MYO9B: variants seen among roughly 807,000 people sequenced by gnomAD.
MYO9B encodes unconventional myosin-IXb.
In MYO9B, 71 loss-of-function variants were observed where a neutral mutation model predicts 229.5. The ratio of observed to expected loss-of-function variants is 0.31; its 90% CI spans 0.26 to 0.38. The LOEUF is 0.38. Among genes scored for constraint, MYO9B ranks in the 10% least tolerant of loss-of-function variants. The probability of loss-of-function intolerance (pLI) is 1.00; values close to 1 mark genes in which losing one functional copy is unlikely to be tolerated. For synonymous variants in MYO9B, 1,185 were observed against 1,235.8 expected (o/e 0.96, Z 0.86); for missense variants, 2,255 against 2,920.5 (o/e 0.77, Z 5.25).
intron 13 of MYO9B, 76 bp downstream of exon 13, chr19:17,173,039 ACACTT>A: frequency 6.6e-7 from 1 of 1,504,558 alleles, no homozygotes; most frequent in Non-Finnish European, 9.0e-7. Flanking sequence ...CTTAAAGTGA[ACACTT>A]CAGTGGCATT....
At chr19:17,178,979 C>G (rs575414510) in intron 14 of MYO9B, among the ~76,000 whole-genome samples, 1 of 147,140 alleles carries the variant, frequency 6.8e-6, no homozygotes, top group Admixed American at 6.9e-5. Flanking sequence ...TGCAGTGAGC[C>G]GAGATCACAC....
chr19:17,179,373 C>T (rs919689501), intron 14 of MYO9B, among the ~76,000 whole-genome samples: 1 of 151,694 alleles, frequency 6.6e-6, no homozygotes, highest in African/African-American at 2.4e-5. Flanking sequence ...ATTTGCTCCT[C>T]CCACAGAGAC....
Position 17,102,263 on chromosome 19 carries a change from C to G in MYO9B, c.546C>G (p.Ile182Met). ...AGATCTACACGTACGCGGGGAGCATCCTGGTGGCCATCAACCCCTTTAAGT... is the reference window on the plus strand; with the variant it reads ...AGATCTACACGTACGCGGGGAGCATGCTGGTGGCCATCAACCCCTTTAAGT... ...QQKIYTYAGS[I>M]LVAINPFKFL... The change falls in exon 2 of 40, where the codon ATC (isoleucine) becomes ATG (methionine). Residue 182 changes from isoleucine to methionine, a missense_variant. Physicochemically the swap from Ile to Met is conservative, Grantham distance 10 (BLOSUM62 1). This residue lies in a region of MYO9B where 386 missense variants were observed against 515.2 expected (regional missense o/e 0.75). Coordinates refer to ENST00000682292, the MANE Select transcript of MYO9B (RefSeq NM_004145.4). 6.2e-7 allele frequency: 1 copy of G among 1,614,054 alleles called. No homozygotes were observed. The highest frequency in any genetic ancestry group is 8.5e-7 in the Non-Finnish European group (1 of 1,179,900).
At chr19:17,206,657 C>T (rs1334509196) in intron 33 of MYO9B, 22 bp from the exon 34 acceptor site, 1 of 1,553,664 alleles carries the variant, frequency 6.4e-7, no homozygotes, top group Admixed American at 1.9e-5. Context: ...GAGCTGACGT[C>T]CTCAAACCCC....
intron 3 of MYO9B, among the ~76,000 whole-genome samples, chr19:17,148,875 C>T (rs181542232): frequency 1.3e-5 from 2 of 152,176 alleles, no homozygotes; most frequent in Admixed American, 6.5e-5. Flanking sequence ...TGAGCCACCA[C>T]GCCCGACCCC....
At chr19:17,153,928 T>C in intron 4 of MYO9B, 39 bp from the exon 5 acceptor site, 1 of 1,542,800 alleles carries the variant, frequency 6.5e-7, no homozygotes, top group South Asian at 1.1e-5. Flanking sequence ...TTACTTGGCC[T>C]CCAAAAACAA....
At position 17,203,170 on chromosome 19, in the gene MYO9B, G is replaced by A; in HGVS notation, c.4902G>A (p.Val1634=). The change falls in exon 30 of 40, where the codon GTG becomes GTA. Residue 1634 remains valine (V), a synonymous_variant. Transcript: ENST00000682292. ...AGGTCCAGGAGCACAACGGGCACGT[G>A]TTCGCCAGCTACCAGGTTAGCATCC... ...ERAVQEHNGH[V]FASYQVSIPQ... is the part of the protein sequence containing the mutation. The A allele has an allele frequency of 6.3e-7, 1 of 1,576,026 alleles. No individual in the cohort carries two copies. The highest frequency in any genetic ancestry group is 8.6e-7 in the Non-Finnish European group (1 of 1,160,824).
chr19:17,133,402 C>T (rs1254695588), intron 2 of MYO9B, among the ~76,000 whole-genome samples: 1 of 152,050 alleles, frequency 6.6e-6, no homozygotes, highest in South Asian at 2.1e-4. Flanking sequence ...AATTTATATC[C>T]TTTGACCAGC....
chr19:17,183,719 CCT>C (rs1027885613), intron 15 of MYO9B, 108 bp from the exon 16 acceptor site: 8 of 883,958 alleles, frequency 9.1e-6, no homozygotes, highest in African/African-American at 1.7e-5. Flanking sequence ...CACTCTCTCC[CCT>C]CTCTCTGTGT....
chr19:17,083,902 C>T lies in MYO9B; in HGVS notation c.-59+8028C>T, dbSNP rs1177986593. Reference sequence around the variant, plus strand: ...GTGACCTCAGGTGATCCACCCACCTCAGCCTCCCAAGGTGCTGGGATTGCA... The same window carrying T: ...GTGACCTCAGGTGATCCACCCACCTTAGCCTCCCAAGGTGCTGGGATTGCA... On this transcript the variant is annotated intron_variant, in intron 1 of 39. Coordinates refer to ENST00000682292, the MANE Select transcript of MYO9B (RefSeq NM_004145.4). 5.9e-5 allele frequency among the ~76,000 whole-genome samples: 9 copies of T among 152,228 alleles called. No individual in the cohort carries two copies. In the East Asian group the frequency reaches 1.7e-3, roughly 29 times the overall value.
rs1328732186 is a variant in MYO9B at position 17,197,847 on chromosome 19, G to A, written c.4102G>A (p.Ala1368Thr). 1.2e-6 allele frequency: 2 copies of A among 1,613,282 alleles called. No homozygotes were observed. The highest frequency in any genetic ancestry group is 8.5e-7 in the Non-Finnish European group (1 of 1,179,872). Reference sequence around the variant, plus strand: ...CGTCTCCAAGCTCCTCCCGTCCCTGGCCAAGGCTCAGGTAACAACAACACG... The same window carrying A: ...CGTCTCCAAGCTCCTCCCGTCCCTGACCAAGGCTCAGGTAACAACAACACG... ...SDVSKLLPSL[A>T]KAQPAAETTD... Residue 1368 changes from alanine to threonine, a missense_variant, in exon 23 of 40, where the codon GCC becomes ACC. Ala to Thr is a moderately conservative substitution (Grantham distance 58). Coordinates refer to ENST00000682292, the MANE Select transcript of MYO9B (RefSeq NM_004145.4).
intron 2 of MYO9B, among the ~76,000 whole-genome samples, chr19:17,118,436 A>C (rs561371762): frequency 1.3e-5 from 2 of 151,970 alleles, no homozygotes; most frequent in Non-Finnish European, 2.9e-5. Flanking sequence ...GCCTGTCTCT[A>C]TATTTTTTAA....
chr19:17,139,070 T>A lies in MYO9B; in HGVS notation c.841-6327T>A, dbSNP rs2072306012. 2.0e-5 allele frequency among the ~76,000 whole-genome samples: 3 copies of A among 152,088 alleles called. No homozygotes were observed. The South Asian group carries it at 6.2e-4, about 31-fold the overall frequency. ...CTCGCGCCTGTAGTCCCAGTTACTCTGGAGGCTGAGGCAGGAGGATAGCCT... is the reference window on the plus strand; with the variant it reads ...CTCGCGCCTGTAGTCCCAGTTACTCAGGAGGCTGAGGCAGGAGGATAGCCT... On this transcript the variant is annotated intron_variant, in intron 2 of 39. Transcript: ENST00000682292.
chr19:17,112,531 A>G (rs1599335121), intron 2 of MYO9B, among the ~76,000 whole-genome samples: 1 of 152,202 alleles, frequency 6.6e-6, no homozygotes, highest in African/African-American at 2.4e-5. Flanking sequence ...CCTGGGAGCA[A>G]CCCCAGCCGC....
At chr19:17,109,741 C>T (rs1272671361) in intron 2 of MYO9B, among the ~76,000 whole-genome samples, 1 of 152,192 alleles carries the variant, frequency 6.6e-6, no homozygotes, top group Non-Finnish European at 1.5e-5. Flanking sequence ...ATCACTCTGC[C>T]CTCTCCCTCC....
intron 1 of MYO9B, among the ~76,000 whole-genome samples, chr19:17,099,749 C>A (rs974326012): frequency 1.4e-5 from 2 of 138,596 alleles, no homozygotes; most frequent in Non-Finnish European, 3.0e-5. Flanking sequence ...ACCCGGGAGG[C>A]GGAGCTTGCA....
At chr19:17,134,030 G>A (rs1007620692) in intron 2 of MYO9B, among the ~76,000 whole-genome samples, 1 of 152,112 alleles carries the variant, frequency 6.6e-6, no homozygotes, top group Non-Finnish European at 1.5e-5. Context: ...CAAAGTGCTG[G>A]GATTACAGGC....
intron 2 of MYO9B, among the ~76,000 whole-genome samples, chr19:17,125,767 C>A (rs1257769152): frequency 6.6e-6 from 1 of 152,200 alleles, no homozygotes; most frequent in African/African-American, 2.4e-5. Context: ...CAGCAACCAG[C>A]TATCGAGAGC....
chr19:17,153,651 G>A (rs562204480), intron 4 of MYO9B, among the ~76,000 whole-genome samples: 25 of 150,162 alleles, frequency 1.7e-4, no homozygotes, highest in African/African-American at 5.9e-4. Context: ...AGCTGTGATT[G>A]CACCACTGCA....
Sources: allele counts gnomAD v4.1 joint callset (sites outside exome capture counted in the v4.1 genomes callset), GRCh38; gene constraint gnomAD v4.1.1; regional missense constraint gnomAD v4.1.1; transcripts MANE v1.5; gene names NCBI Gene and HGNC (gene_info 2026-07-23, HGNC 2026-07-21).